LRRC34: variants seen among roughly 807,000 people sequenced by gnomAD.
LRRC34 encodes the protein leucine-rich repeat-containing protein 34.
A neutral mutation model predicts 48.5 loss-of-function variants in LRRC34; 44 were observed. That is an observed-to-expected ratio of 0.91 (90% CI 0.71 to 1.17). The LOEUF (loss-of-function observed/expected upper bound fraction) is 1.17, where lower values mean the gene tolerates loss of function less well. LRRC34 is among the 50% of genes most tolerant of loss of function. The probability of loss-of-function intolerance (pLI) is 0.00; values close to 1 mark genes in which losing one functional copy is unlikely to be tolerated. For missense variants in LRRC34, 502 were observed against 563.0 expected (o/e 0.89, Z 1.10); for synonymous variants, 192 against 197.6 (o/e 0.97, Z 0.24).
intron 7 of LRRC34, among the ~76,000 whole-genome samples, chr3:169,799,234 G>A (rs183814973): frequency 2.6e-5 from 4 of 152,300 alleles, no homozygotes. Flanking sequence ...GGCAAAGAAT[G>A]TAAAATACAC....
At chr3:169,793,915 T>C in intron 10 of LRRC34, 77 bp from the exon 11 acceptor site, 1 of 951,544 alleles carries the variant, frequency 1.1e-6, no homozygotes. Context: ...AATTTAAATA[T>C]TCAAATTAGC....
chr3:169,795,610 A>G lies in LRRC34; in HGVS notation c.1066T>C (p.Leu356=), dbSNP rs1257471041. The part of the protein sequence containing the change: ...LTSHNRSLKA[L]SVVSNNIEGE... ...TCTATGTTGTTGCTGACTACTGACA[A>G]CCTGAAACCAATAATTCCACAAGGA... Residue 356 remains leucine, a splice_region_variant and synonymous_variant, in exon 10 of 11, where the codon TTG becomes CTG. Coordinates refer to ENST00000446859, the MANE Select transcript of LRRC34 (RefSeq NM_001172779.2). 1.2e-6 allele frequency: 2 copies of G among 1,607,400 alleles called. No homozygotes were observed. The highest frequency in any genetic ancestry group is 4.5e-5 in the East Asian group (2 of 44,662).
Position 169,812,341 on chromosome 3 carries a change from G to T in LRRC34, c.139+69C>A, listed in dbSNP as rs1201641205. ...GCGGGCTGCTGGGAGGACTCCTGCC[G>T]TGCGACCCCGGCGCCCCTCGCGCGT... On this transcript the variant is annotated intron_variant, in intron 1 of 10. Coordinates refer to ENST00000446859, the MANE Select transcript of LRRC34 (RefSeq NM_001172779.2). The surrounding 1 kb of genome is among the most constrained non-coding windows in gnomAD (Gnocchi z 4.3). 5.5e-6 allele frequency: 8 copies of T among 1,463,268 alleles called. No individual in the cohort carries two copies. In the Admixed American group the frequency reaches 1.6e-4, roughly 30 times the overall value. The allele number at this position is 1,463,268 out of a possible 1,614,324, so 90.6% of individuals were successfully genotyped here. A position where few individuals can be genotyped will look rare whatever the true frequency, so the allele number is the denominator to read the frequency against.
intron 9 of LRRC34, chr3:169,795,882 AT>A (rs1262455703): frequency 2.5e-5 from 29 of 1,162,566 alleles, no homozygotes; most frequent in South Asian, 1.3e-4. Flanking sequence ...GGATAAATGC[AT>A]CCAAGTATTT....
chr3:169,808,315 G>GAAAAAA (rs796111859), intron 2 of LRRC34, among the ~76,000 whole-genome samples: 4 of 52,898 alleles, frequency 7.6e-5, no homozygotes, highest in Non-Finnish European at 1.9e-4. Context: ...CACCATCTCA[G>GAAAAAA]AAAAAAAAAA....
At chr3:169,798,750 GTATT>G (rs1297983130) in intron 7 of LRRC34, among the ~76,000 whole-genome samples, 1 of 152,092 alleles carries the variant, frequency 6.6e-6, no homozygotes, top group African/African-American at 2.4e-5. Flanking sequence ...ATCCAGAAAT[GTATT>G]TAGCCCTCGA....
chr3:169,793,842 G>A lies in LRRC34; in HGVS notation c.1192-4C>T. The A allele has an allele frequency of 1.3e-6, 2 of 1,585,522 alleles. No homozygotes were observed. Among genetic ancestry groups the A allele is most frequent in the South Asian group, 1.2e-5 (1 of 85,432 alleles). ...TTTGAATTAAGTCTGAATATGCCTA[G>A]GATTTTTAGGAAAAAAACTATATCA... On this transcript the variant is annotated splice_region_variant and splice_polypyrimidine_tract_variant and intron_variant, in intron 10 of 10. Transcript: ENST00000446859.
chr3:169,812,632 T>G lies in LRRC34; in HGVS notation c.-84A>C. 1 of 1,400,506 alleles carries G rather than the reference T, an allele frequency of 7.1e-7. No homozygotes were observed. The highest frequency in any genetic ancestry group is 9.2e-7 in the Non-Finnish European group (1 of 1,083,408). 86.8% of individuals were successfully genotyped at this position (1,400,506 alleles called of 1,614,324 possible). A position where few individuals can be genotyped will look rare whatever the true frequency, so the allele number is the denominator to read the frequency against. On this transcript the variant is annotated 5_prime_UTR_variant, in exon 1 of 11. Coordinates refer to ENST00000446859, the MANE Select transcript of LRRC34 (RefSeq NM_001172779.2). This position sits in a 1 kb window ranked among gnomAD's most constrained non-coding sequence, Gnocchi z 4.3. ...GGCGCCAGCCTGCTTCGAGTCCCGC[T>G]GGCTGTGCCTGCCCGGGCCCTGAGG...
In LRRC34 at chr3:169,795,853, A is replaced by T. The variant is rs569419887; in HGVS notation, c.1065-242T>A. The stretch of plus-strand genomic sequence containing the variant: ...TATTATTCAGTAAATGTTTGGGTGG[A>T]TAGCAGATATATTTTTCTGGATAAA... On this transcript the variant is annotated intron_variant, in intron 9 of 10. Transcript: ENST00000446859. 3.0e-5 allele frequency: 36 copies of T among 1,180,914 alleles called. No individual in the cohort carries two copies. In the East Asian group the frequency reaches 1.1e-3, roughly 36 times the overall value. 73.2% of individuals were successfully genotyped at this position (1,180,914 alleles called of 1,614,324 possible).
intron 6 of LRRC34, among the ~76,000 whole-genome samples, chr3:169,802,919 G>C (rs751641199): frequency 6.6e-5 from 10 of 152,046 alleles, no homozygotes; most frequent in Non-Finnish European, 1.5e-4. Context: ...GGAGGTTGCA[G>C]TGAGCCGAGA....
intron 7 of LRRC34, 118 bp downstream of exon 7, chr3:169,800,541 G>T: frequency 2.0e-6 from 1 of 505,818 alleles, no homozygotes; most frequent in Non-Finnish European, 3.4e-6. Context: ...TAGTTTACAA[G>T]ATATAGTAAG....
rs1301041225 is a variant in LRRC34, at chr3:169,812,612, C to T, written c.-64G>A. ...GAGGCGGCTACACGAGCCTCGGCGC[C>T]AGCCTGCTTCGAGTCCCGCTGGCTG... On this transcript the variant is annotated 5_prime_UTR_variant, in exon 1 of 11. Transcript: ENST00000446859. This position sits in a 1 kb window ranked among gnomAD's most constrained non-coding sequence, Gnocchi z 4.3. 7.1e-7 allele frequency: 1 copy of T among 1,410,232 alleles called. No individual in the cohort carries two copies. The highest frequency in any genetic ancestry group is 9.2e-7 in the Non-Finnish European group (1 of 1,089,386). 87.4% of individuals were successfully genotyped at this position (1,410,232 alleles called of 1,614,324 possible).
intron 1 of LRRC34, among the ~76,000 whole-genome samples, chr3:169,808,959 T>C (rs558167897): frequency 1.2e-4 from 19 of 152,266 alleles, no homozygotes; most frequent in African/African-American, 4.3e-4. Context: ...ACTAGGGCCA[T>C]TGAAGCACCC....
In LRRC34 at chr3:169,812,266, C is replaced by T; in HGVS notation, c.139+144G>A. The T allele has an allele frequency of 1.7e-6, 2 of 1,149,978 alleles. No homozygotes were observed. Among genetic ancestry groups the T allele is most frequent in the Non-Finnish European group, 1.2e-6 (1 of 859,604 alleles). 71.2% of individuals were successfully genotyped at this position (1,149,978 alleles called of 1,614,324 possible). The stretch of plus-strand genomic sequence containing the variant: ...TTTCTGGGCGCCCCAAACCTCTGGC[C>T]ACAGCTGGGGTTCCCAGGGGCCCCC... On this transcript the variant is annotated intron_variant, in intron 1 of 10. Transcript: ENST00000446859. This position sits in a 1 kb window ranked among gnomAD's most constrained non-coding sequence, Gnocchi z 4.3.
intron 6 of LRRC34, 111 bp downstream of exon 6, chr3:169,803,942 T>A (rs1231316584): frequency 5.7e-6 from 6 of 1,058,626 alleles, no homozygotes; most frequent in Non-Finnish European, 7.8e-6. Flanking sequence ...AAAAACACCT[T>A]TTCTCTGATA....
chr3:169,798,139 G>C (rs1434559370), intron 7 of LRRC34, among the ~76,000 whole-genome samples: 1 of 152,168 alleles, frequency 6.6e-6, no homozygotes. Context: ...CCACTTAGGG[G>C]GTTCCACTAT....
At chr3:169,794,638 T>C (rs1049347774) in intron 10 of LRRC34, 3 of 152,382 alleles carry the variant, frequency 2.0e-5, no homozygotes, top group African/African-American at 7.2e-5. Flanking sequence ...ATGGTCTCAA[T>C]CTCTTGACCT....
At position 169,812,344 on chromosome 3, in the gene LRRC34, C is replaced by A; in HGVS notation, c.139+66G>T. On this transcript the variant is annotated intron_variant, in intron 1 of 10. Coordinates refer to ENST00000446859, the MANE Select transcript of LRRC34 (RefSeq NM_001172779.2). This position sits in a 1 kb window ranked among gnomAD's most constrained non-coding sequence, Gnocchi z 4.3. ...GGCTGCTGGGAGGACTCCTGCCGTG[C>A]GACCCCGGCGCCCCTCGCGCGTTTT... 3 of 1,462,652 alleles carry A rather than the reference C, an allele frequency of 2.1e-6. No individual in the cohort carries two copies. Among genetic ancestry groups the A allele is most frequent in the South Asian group, 2.7e-5 (2 of 74,254 alleles). The allele number at this position is 1,462,652 out of a possible 1,614,324, so 90.6% of individuals were successfully genotyped here.
In LRRC34 at chr3:169,800,682, G is replaced by A. The variant is rs1296259647; in HGVS notation, c.730C>T (p.Arg244Ter). 6.5e-6 allele frequency: 10 copies of A among 1,533,964 alleles called. No individual in the cohort carries two copies. Among genetic ancestry groups the A allele is most frequent in the African/African-American group, 1.4e-5 (1 of 72,934 alleles). ...ACCTGTTCACTGTACAGTATAGGTC[G>A]GTTTAGGTTTATTGCCTTAATTGCT... ...NQAIKAINLN[R>*]PILYSEQEES... Residue 244 changes from arginine to a stop codon, truncating the protein, a stop_gained, in exon 7 of 11, where the codon CGA becomes TGA. Coordinates refer to ENST00000446859, the MANE Select transcript of LRRC34 (RefSeq NM_001172779.2). LOFTEE classifies it high-confidence loss of function.
Sources: gnomAD v4.1 joint callset for allele counts (sites outside exome capture counted in the v4.1 genomes callset) on GRCh38, gnomAD v4.1.1 for gene constraint, Gnocchi (gnomAD v3.1) non-coding constraint, MANE v1.5 for transcripts, NCBI Gene and HGNC (gene_info 2026-07-23, HGNC 2026-07-21) for gene names.